CDK14: variants seen among roughly 807,000 people sequenced by gnomAD.
CDK14 encodes cyclin dependent kinase 14.
A neutral mutation model predicts 60.7 loss-of-function variants in CDK14; 34 were observed. That is an observed-to-expected ratio of 0.56 (90% CI 0.43 to 0.75). The LOEUF is 0.75. CDK14 is among the 30% of genes least tolerant of loss of function. The pLI is 0.00. For synonymous variants in CDK14, 197 were observed against 203.7 expected (o/e 0.97, Z 0.28); for missense variants, 482 against 564.1 (o/e 0.85, Z 1.47).
chr7:90,959,578 T>C (rs1794536692), intron 9 of CDK14, among the ~76,000 whole-genome samples: 1 of 152,152 alleles, frequency 6.6e-6, no homozygotes, highest in Non-Finnish European at 1.5e-5. Context: ...TCAGGCTTTC[T>C]TACAGTTCAT....
chr7:91,128,116 T>G (rs1400503006), intron 14 of CDK14, among the ~76,000 whole-genome samples: 1 of 152,202 alleles, frequency 6.6e-6, no homozygotes, highest in Non-Finnish European at 1.5e-5. Context: ...AGCATCCAGA[T>G]TCTGGTTAAA....
intron 10 of CDK14, among the ~76,000 whole-genome samples, chr7:90,989,186 AGGG>A (rs1325567436): frequency 6.6e-6 from 1 of 152,098 alleles, no homozygotes; most frequent in Non-Finnish European, 1.5e-5. Context: ...CTCCGATTCC[AGGG>A]TCTTTAGAAC....
intron 6 of CDK14, among the ~76,000 whole-genome samples, chr7:90,874,793 G>T (rs1245447724): frequency 6.6e-6 from 1 of 151,734 alleles, no homozygotes; most frequent in African/African-American, 2.4e-5. Context: ...CTCCCAAAGT[G>T]CTGGGATTAC....
At chr7:91,002,726 C>T (rs979614956) in intron 10 of CDK14, among the ~76,000 whole-genome samples, 3 of 152,166 alleles carry the variant, frequency 2.0e-5, no homozygotes, top group African/African-American at 7.2e-5. Context: ...TGCTGAACCC[C>T]AGCCTCTTGA....
chr7:90,600,547 AAAAAG>A (rs1263528946), intron 1 of CDK14, among the ~76,000 whole-genome samples: 3 of 152,238 alleles, frequency 2.0e-5, no homozygotes, highest in Admixed American at 2.0e-4. Flanking sequence ...GGAACTAAAT[AAAAAG>A]AAGAGGCTGT....
intron 4 of CDK14, among the ~76,000 whole-genome samples, chr7:90,783,141 T>C (rs1380544922): frequency 6.6e-6 from 1 of 152,206 alleles, no homozygotes; most frequent in Non-Finnish European, 1.5e-5. Flanking sequence ...TATGAGTTTG[T>C]ATATTTGATA....
In CDK14 at chr7:91,118,157, A is replaced by C. The variant is rs35643773; in HGVS notation, c.1387A>C (p.Ser463Arg). 67 of 1,612,664 alleles carry C rather than the reference A, an allele frequency of 4.2e-5. No individual in the cohort carries two copies. The highest frequency in any genetic ancestry group is 5.5e-5 in the Non-Finnish European group (65 of 1,178,952). ...TGGGAAAAACAATAGTTATGGCAAAAGTCTATCAAACAGCAAGCACTGACA... is the reference window on the plus strand; with the variant it reads ...TGGGAAAAACAATAGTTATGGCAAACGTCTATCAAACAGCAAGCACTGACA... The part of the protein sequence containing the change: ...AFGKNNSYGK[S>R]LSNSKH Residue 463 changes from serine (S) to arginine (R), a missense_variant, in exon 14 of 15, where the codon AGT (serine) becomes CGT (arginine). By Grantham distance (110) the Ser-to-Arg change is moderately radical (BLOSUM62 -1). Coordinates refer to ENST00000380050, the MANE Select transcript of CDK14 (RefSeq NM_001287135.2).
chr7:90,654,811 G>C (rs1206232518), intron 2 of CDK14, among the ~76,000 whole-genome samples: 1 of 152,066 alleles, frequency 6.6e-6, no homozygotes, highest in Non-Finnish European at 1.5e-5. Context: ...TATAATTCAT[G>C]AACCAAGATT....
intron 5 of CDK14, among the ~76,000 whole-genome samples, chr7:90,810,286 A>T (rs1261750023): frequency 6.6e-6 from 1 of 152,172 alleles, no homozygotes; most frequent in Non-Finnish European, 1.5e-5. Context: ...TCAAGTGGGC[A>T]TCATCCCAGG....
chr7:90,943,157 G>T (rs918638382), intron 8 of CDK14, among the ~76,000 whole-genome samples: 4 of 152,158 alleles, frequency 2.6e-5, no homozygotes, highest in Non-Finnish European at 5.9e-5. Context: ...ATCCTAGTAA[G>T]CAAAGGAAGA....
In CDK14 at chr7:90,649,345, C is replaced by CT. The variant is rs1178927521; in HGVS notation, c.123+45098dup. On this transcript the variant is annotated intron_variant, in intron 2 of 14. Coordinates refer to ENST00000380050, the MANE Select transcript of CDK14 (RefSeq NM_001287135.2). ...CCTTCCTTCCTTCCTTCCTTCCTTCCTTCCTTCCTTCCTTCCTTCCTTTCC... is the reference window on the plus strand; with the variant it reads ...CCTTCCTTCCTTCCTTCCTTCCTTCCTTTCCTTCCTTCCTTCCTTCCTTTCC... 5.0e-3 allele frequency among the ~76,000 whole-genome samples: 233 copies of CT among 46,562 alleles called. 19 individuals are homozygous for CT. The highest frequency in any genetic ancestry group is 0.021 in the African/African-American group (160 of 7,762). 30.5% of individuals were successfully genotyped at this position (46,562 alleles called of 152,430 possible). A position where few individuals can be genotyped will look rare whatever the true frequency, so the allele number is the denominator to read the frequency against.
chr7:90,859,582 C>T (rs73401834), intron 5 of CDK14, among the ~76,000 whole-genome samples: 4,610 of 152,086 alleles, frequency 0.03, 230 homozygotes, highest in African/African-American at 0.1. Context: ...CATTTTAGAG[C>T]AGGTTTAGGT....
intron 6 of CDK14, among the ~76,000 whole-genome samples, chr7:90,865,189 T>C (rs1169431327): frequency 6.6e-6 from 1 of 152,176 alleles, no homozygotes; most frequent in Non-Finnish European, 1.5e-5. Context: ...TGTGCATTTT[T>C]AGTAAAAGAT....
At chr7:90,981,067 G>A (rs573180518) in intron 9 of CDK14, among the ~76,000 whole-genome samples, 1 of 152,264 alleles carries the variant, frequency 6.6e-6, no homozygotes, top group Non-Finnish European at 1.5e-5. Context: ...AAAAAGTAGA[G>A]AGCAGAGAGG....
At chr7:90,731,401 G>A (rs1403025380) in intron 3 of CDK14, among the ~76,000 whole-genome samples, 1 of 152,112 alleles carries the variant, frequency 6.6e-6, no homozygotes, top group Admixed American at 6.5e-5. Flanking sequence ...AGCTTGATGG[G>A]GATAGCATTG....
intron 1 of CDK14, among the ~76,000 whole-genome samples, chr7:90,603,712 G>A (rs949815141): frequency 8.5e-5 from 13 of 152,168 alleles, no homozygotes; most frequent in African/African-American, 3.1e-4. Flanking sequence ...ATGTCGAAAT[G>A]TTTAAATTAT....
rs1803650713 is a variant in CDK14, at chr7:90,747,706, C to G, written c.395C>G (p.Ala132Gly). 6.3e-7 allele frequency: 1 copy of G among 1,597,932 alleles called. No homozygotes were observed. The change falls in exon 4 of 15, where the codon GCT (alanine) becomes GGT (glycine). Residue 132 changes from alanine to glycine, a missense_variant. Transcript: ENST00000380050. ...SSPTSPKFGK[A>G]DSYEKLEKLG... is the part of the protein sequence containing the mutation. ...CCAACAAGTCCCAAATTTGGAAAAG[C>G]TGACTCATATGAAAAGCTGGAAAAA...
chr7:91,018,036 C>T (rs556733123), intron 10 of CDK14, among the ~76,000 whole-genome samples: 1 of 152,262 alleles, frequency 6.6e-6, no homozygotes, highest in Non-Finnish European at 1.5e-5. Context: ...AGTGGTATTT[C>T]TGAGTGAATT....
chr7:90,952,425 G>A (rs1189164582), intron 8 of CDK14, among the ~76,000 whole-genome samples: 1 of 152,158 alleles, frequency 6.6e-6, no homozygotes, highest in East Asian at 1.9e-4. Context: ...ATTCTGCTAT[G>A]CTAGTATCAG....
Sources: allele counts gnomAD v4.1 joint callset (sites outside exome capture counted in the v4.1 genomes callset), GRCh38; gene constraint gnomAD v4.1.1; transcripts MANE v1.5; gene names NCBI Gene and HGNC (gene_info 2026-07-23, HGNC 2026-07-21).